Variants in COMMD10 observed in about 807,000 individuals in gnomAD.
COMMD10 encodes the protein COMM domain-containing protein 10.
A neutral mutation model predicts 28.9 loss-of-function variants in COMMD10; 33 were observed. The observed-to-expected ratio is 1.14, with a 90% CI of 0.87 to 1.53. The LOEUF is 1.53. COMMD10 is among the 40% of genes most tolerant of loss of function. The pLI, the probability that COMMD10 is intolerant of heterozygous loss-of-function variation, is 0.00. For synonymous variants in COMMD10, 110 were observed against 81.7 expected (o/e 1.35, Z -1.87); for missense variants, 310 against 233.4 (o/e 1.33, Z -2.14).
intron 1 of COMMD10, 77 bp downstream of exon 1, chr5:116,085,170 T>A: frequency 2.6e-6 from 3 of 1,141,366 alleles, no homozygotes; most frequent in East Asian, 7.1e-5. Context: ...CTGTCCTTGC[T>A]GCCTGCCGCC....
chr5:116,248,741 A>G lies in COMMD10; in HGVS notation c.511-42776A>G, dbSNP rs1167753603. Reference sequence around the variant, plus strand: ...TTTTCCTTTTCTACCAACTTTAAAAACAACACTAAAATAAAAACAAAATGT... The same window carrying G: ...TTTTCCTTTTCTACCAACTTTAAAAGCAACACTAAAATAAAAACAAAATGT... On this transcript the variant is annotated intron_variant, in intron 5 of 6. Transcript: ENST00000274458. 2.0e-5 allele frequency among the ~76,000 whole-genome samples: 3 copies of G among 152,068 alleles called. No individual in the cohort carries two copies. The East Asian group carries it at 5.8e-4, about 29-fold the overall frequency.
At chr5:116,263,424 C>A (rs909403333) in intron 5 of COMMD10, among the ~76,000 whole-genome samples, 1 of 151,774 alleles carries the variant, frequency 6.6e-6, no homozygotes, top group South Asian at 2.1e-4. Flanking sequence ...CTTGCCATAC[C>A]TTGAAATTGC....
At chr5:116,192,429 A>C (rs1454692330) in intron 5 of COMMD10, among the ~76,000 whole-genome samples, 2 of 152,076 alleles carry the variant, frequency 1.3e-5, no homozygotes, top group Non-Finnish European at 2.9e-5. Flanking sequence ...CAATACAAGA[A>C]GTGAAGGGGG....
intron 5 of COMMD10, among the ~76,000 whole-genome samples, chr5:116,206,044 A>C (rs750268618): frequency 3.9e-5 from 6 of 152,168 alleles, no homozygotes; most frequent in Non-Finnish European, 8.8e-5. Context: ...ATCATACTTA[A>C]TTCTGAAAAT....
intron 5 of COMMD10, among the ~76,000 whole-genome samples, chr5:116,171,710 G>A (rs1753340469): frequency 6.6e-6 from 1 of 152,020 alleles, no homozygotes; most frequent in Admixed American, 6.6e-5. Context: ...CCATCATTCT[G>A]AGCAAAGTAA....
chr5:116,141,628 A>T (rs993020495), intron 5 of COMMD10, among the ~76,000 whole-genome samples: 7 of 151,816 alleles, frequency 4.6e-5, no homozygotes. Flanking sequence ...TTCTTTAGCT[A>T]TATTTATTTA....
At chr5:116,254,616 G>C (rs1381553821) in intron 5 of COMMD10, among the ~76,000 whole-genome samples, 1 of 151,714 alleles carries the variant, frequency 6.6e-6, no homozygotes, top group East Asian at 1.9e-4. Context: ...TTTTGAGTGA[G>C]ATTCTTAATC....
At chr5:116,100,215 G>A (rs1210232711) in intron 4 of COMMD10, among the ~76,000 whole-genome samples, 4 of 152,020 alleles carry the variant, frequency 2.6e-5, no homozygotes, top group Non-Finnish European at 5.9e-5. Context: ...TAGGGATGCC[G>A]AACCTCTGTT....
intron 5 of COMMD10, among the ~76,000 whole-genome samples, chr5:116,169,312 C>G (rs1271078456): frequency 6.6e-6 from 1 of 152,158 alleles, no homozygotes; most frequent in Non-Finnish European, 1.5e-5. Context: ...AGATGAATCT[C>G]TGAATAGACC....
chr5:116,250,434 T>G (rs1321012645), intron 5 of COMMD10, among the ~76,000 whole-genome samples: 2 of 151,626 alleles, frequency 1.3e-5, no homozygotes, highest in African/African-American at 4.8e-5. Context: ...GACAAGATTT[T>G]TATACATAAT....
intron 5 of COMMD10, among the ~76,000 whole-genome samples, chr5:116,223,487 G>A (rs1356233500): frequency 1.3e-5 from 2 of 152,058 alleles, no homozygotes; most frequent in Non-Finnish European, 2.9e-5. Context: ...CACACATCCT[G>A]GTCAATGAAA....
rs573567360 is a variant in COMMD10 at position 116,195,844 on chromosome 5, C to T, written c.510+61666C>T. 3.9e-5 allele frequency among the ~76,000 whole-genome samples: 6 copies of T among 152,234 alleles called. No homozygotes were observed. The South Asian group carries it at 1.2e-3, about 32-fold the overall frequency. On this transcript the variant is annotated intron_variant, in intron 5 of 6. Transcript: ENST00000274458. ...AAACATATGAAAAAATGCTCAGCAT[C>T]ACTAATGACCAGGGAAATACAAATC...
At chr5:116,259,587 C>G (rs1025444742) in intron 5 of COMMD10, among the ~76,000 whole-genome samples, 6 of 151,552 alleles carry the variant, frequency 4.0e-5, no homozygotes, top group African/African-American at 1.5e-4. Flanking sequence ...GCTGAACAGT[C>G]TTGGTGGCTG....
intron 5 of COMMD10, among the ~76,000 whole-genome samples, chr5:116,136,807 G>A (rs1333695998): frequency 2.6e-5 from 4 of 152,134 alleles, no homozygotes; most frequent in Non-Finnish European, 5.9e-5. Context: ...CAGAGCTAGA[G>A]CACCATTTTC....
chr5:116,102,073 A>G (rs751167300), intron 4 of COMMD10, among the ~76,000 whole-genome samples: 12 of 152,018 alleles, frequency 7.9e-5, no homozygotes, highest in Non-Finnish European at 1.6e-4. Flanking sequence ...ACTAAGTTCC[A>G]TTTGTCTATT....
chr5:116,194,819 C>G (rs1290729073), intron 5 of COMMD10, among the ~76,000 whole-genome samples: 1 of 152,070 alleles, frequency 6.6e-6, no homozygotes, highest in Non-Finnish European at 1.5e-5. Flanking sequence ...TTATGTGAAG[C>G]TAGCATTACC....
rs1397181278 is a variant in COMMD10 at position 116,085,495 on chromosome 5, C to T, written c.41+402C>T. 2.3e-5 allele frequency: 5 copies of T among 215,576 alleles called. No individual in the cohort carries two copies. In the East Asian group the frequency reaches 5.4e-4, roughly 23 times the overall value. The allele number at this position is 215,576 out of a possible 1,614,324, so 13.4% of individuals were successfully genotyped here. A position where few individuals can be genotyped will look rare whatever the true frequency, so the allele number is the denominator to read the frequency against. On this transcript the variant is annotated intron_variant, in intron 1 of 6. Transcript: ENST00000274458. ...TTCAGACACTCTGGTGGGAAAGGCT[C>T]ACGCTGCTGCTGGAGGGTCTTTAAT...
chr5:116,244,368 A>G (rs1320359870), intron 5 of COMMD10, among the ~76,000 whole-genome samples: 1 of 152,116 alleles, frequency 6.6e-6, no homozygotes, highest in Non-Finnish European at 1.5e-5. Context: ...ACATAAATTC[A>G]TGTTTCCTTA....
intron 4 of COMMD10, among the ~76,000 whole-genome samples, chr5:116,098,761 G>C (rs903551783): frequency 6.6e-6 from 1 of 152,078 alleles, no homozygotes; most frequent in Admixed American, 6.6e-5. Flanking sequence ...ATGAAATAAT[G>C]TTAAAAAATC....
Sources: allele counts gnomAD v4.1 joint callset (sites outside exome capture counted in the v4.1 genomes callset), GRCh38; gene constraint gnomAD v4.1.1; transcripts MANE v1.5; gene names NCBI Gene and HGNC (gene_info 2026-07-23, HGNC 2026-07-21).